Variants in KYNU observed in about 807,000 individuals in gnomAD.
KYNU encodes the protein L-kynurenine hydrolase.
In KYNU, 54 loss-of-function variants were observed where a neutral mutation model predicts 59.2. That is an observed-to-expected ratio of 0.91 (90% confidence interval 0.73 to 1.14). The LOEUF is 1.14. Ranked by LOEUF, KYNU falls within the 50% of genes most tolerant of loss-of-function variation. KYNU has a pLI of 0.00. For missense variants in KYNU, 567 were observed against 554.4 expected (o/e 1.02, Z -0.23); for synonymous variants, 177 against 192.0 (o/e 0.92, Z 0.65).
chr2:142,958,987 A>G (rs181211), intron 7 of KYNU, among the ~76,000 whole-genome samples: 40,775 of 152,006 alleles, frequency 0.27, 8,497 homozygotes, highest in African/African-American at 0.56. Context: ...TATATAAAGT[A>G]TACTTCACTT....
intron 4 of KYNU, among the ~76,000 whole-genome samples, chr2:142,953,237 C>CCG (rs1435831735): frequency 2.0e-5 from 3 of 152,196 alleles, no homozygotes; most frequent in Non-Finnish European, 4.4e-5. Context: ...CCATTACCCA[C>CCG]CGCGTATGAC....
At chr2:143,013,298 C>CTGTGTGTG (rs71301735) in intron 10 of KYNU, among the ~76,000 whole-genome samples, 6 of 149,468 alleles carry the variant, frequency 4.0e-5, no homozygotes, top group African/African-American at 1.2e-4. Context: ...GTCTCTTTCT[C>CTGTGTGTG]TGTGTGTGTG....
chr2:142,931,007 G>T (rs1225687253), intron 4 of KYNU, among the ~76,000 whole-genome samples: 4 of 152,206 alleles, frequency 2.6e-5, no homozygotes, highest in African/African-American at 9.6e-5. Flanking sequence ...CTGTAAACAG[G>T]AAGTGTTCTA....
chr2:142,907,614 C>T (rs1464374666), intron 2 of KYNU, among the ~76,000 whole-genome samples: 2 of 152,154 alleles, frequency 1.3e-5, no homozygotes, highest in Non-Finnish European at 2.9e-5. Flanking sequence ...AGCTCCCATA[C>T]AATGGGAGGG....
chr2:143,001,656 T>C (rs959848576), intron 10 of KYNU, among the ~76,000 whole-genome samples: 1 of 152,204 alleles, frequency 6.6e-6, no homozygotes, highest in African/African-American at 2.4e-5. Flanking sequence ...CTGGTTATGC[T>C]ATCTTGATCA....
At chr2:142,990,183 G>C (rs1270889029) in intron 10 of KYNU, 2 of 151,730 alleles carry the variant, frequency 1.3e-5, no homozygotes, top group Non-Finnish European at 2.9e-5. Flanking sequence ...ATTAGGACTG[G>C]TCATGACTTC....
intron 4 of KYNU, among the ~76,000 whole-genome samples, chr2:142,949,804 C>A (rs762979872): frequency 6.6e-6 from 1 of 152,212 alleles, no homozygotes; most frequent in Non-Finnish European, 1.5e-5. Context: ...CAAATTTCTG[C>A]AGCTACCTTG....
intron 10 of KYNU, among the ~76,000 whole-genome samples, chr2:143,005,948 C>A (rs1194109109): frequency 6.6e-6 from 1 of 152,100 alleles, no homozygotes. Context: ...CCTCAGAACC[C>A]AAATCACTGA....
intron 10 of KYNU, among the ~76,000 whole-genome samples, chr2:143,025,547 T>C (rs1351678844): frequency 1.3e-5 from 2 of 152,166 alleles, no homozygotes; most frequent in Non-Finnish European, 2.9e-5. Flanking sequence ...ATGGCCCTGC[T>C]CTCTTGTATT....
intron 8 of KYNU, among the ~76,000 whole-genome samples, chr2:142,971,625 G>A (rs1684727853): frequency 6.6e-6 from 1 of 152,198 alleles, no homozygotes; most frequent in Non-Finnish European, 1.5e-5. Context: ...TTCAATGACT[G>A]ATTGAGGGTA....
chr2:142,923,065 G>T (rs925466824), intron 3 of KYNU, among the ~76,000 whole-genome samples: 1 of 152,130 alleles, frequency 6.6e-6, no homozygotes, highest in Middle Eastern at 3.2e-3. Context: ...CCATTCATGA[G>T]GGCTCTGCCC....
intron 3 of KYNU, among the ~76,000 whole-genome samples, 196 bp from the exon 4 acceptor site, chr2:142,927,458 TAAAAG>T (rs4008370): frequency 0.51 from 76,425 of 151,134 alleles, 19,561 homozygotes; most frequent in South Asian, 0.67. Flanking sequence ...AAAAAGAAAA[TAAAAG>T]AAATTTAAAA....
chr2:143,006,695 G>A (rs1367790894), intron 10 of KYNU, among the ~76,000 whole-genome samples: 19 of 151,494 alleles, frequency 1.3e-4, no homozygotes, highest in East Asian at 9.7e-4. Context: ...CTCCCAGCAC[G>A]CAGCTGGAGA....
At chr2:143,037,880 A>G (rs562736118) in intron 12 of KYNU, among the ~76,000 whole-genome samples, 3 of 152,326 alleles carry the variant, frequency 2.0e-5, no homozygotes, top group African/African-American at 7.2e-5. Context: ...CCTCTGTGAG[A>G]TGAATTTAAA....
At chr2:142,900,221 G>T (rs1316758499) in intron 2 of KYNU, among the ~76,000 whole-genome samples, 1 of 152,200 alleles carries the variant, frequency 6.6e-6, no homozygotes, top group African/African-American at 2.4e-5. Flanking sequence ...CGCCTCGCTG[G>T]ATCAGGAGCA....
intron 4 of KYNU, among the ~76,000 whole-genome samples, chr2:142,939,602 CAA>C (rs71301737): frequency 0.033 from 2,123 of 65,078 alleles, 12 homozygotes; most frequent in African/African-American, 0.067. Flanking sequence ...CTCCATCTCA[CAA>C]AAAAAAAAAA....
intron 4 of KYNU, among the ~76,000 whole-genome samples, chr2:142,951,021 C>T (rs534106987): frequency 6.6e-6 from 1 of 152,288 alleles, no homozygotes; most frequent in East Asian, 1.9e-4. Flanking sequence ...GAACACACAA[C>T]ATTTATTGAT....
Position 142,960,596 on chromosome 2 carries a change from G to T in KYNU, c.583-28G>T. The T allele has an allele frequency of 1.9e-6, 3 of 1,599,736 alleles. No homozygotes were observed. In the South Asian group the frequency reaches 3.3e-5, roughly 18 times the overall value. On this transcript the variant is annotated intron_variant, in intron 7 of 13. Transcript: ENST00000264170. ...ATTACAAATTTATTATTATCGATAT[G>T]ACCTAACTTGTGCCTAACTTGATTT...
intron 3 of KYNU, among the ~76,000 whole-genome samples, chr2:142,922,012 C>T (rs1682900221): frequency 6.6e-6 from 1 of 152,120 alleles, no homozygotes; most frequent in Non-Finnish European, 1.5e-5. Context: ...TATCTGATCA[C>T]TTCTTCCTCT....
Sources: allele counts gnomAD v4.1 joint callset (sites outside exome capture counted in the v4.1 genomes callset), GRCh38; gene constraint gnomAD v4.1.1; transcripts MANE v1.5; gene names NCBI Gene and HGNC (gene_info 2026-07-23, HGNC 2026-07-21).